The following SGK3 variants were observed in gnomAD, a reference collection of about 807,000 sequenced individuals.
SGK3 encodes serum/glucocorticoid regulated kinase family member 3.
SGK3 carries 47 observed loss-of-function variants against 68.5 expected under a neutral mutation model. The ratio of observed to expected loss-of-function variants is 0.69; its 90% CI spans 0.54 to 0.87. The LOEUF is 0.87. SGK3 is among the 40% of genes least tolerant of loss of function. The pLI is 0.00. For synonymous variants in SGK3, 181 were observed against 189.1 expected (o/e 0.96, Z 0.35); for missense variants, 479 against 575.5 (o/e 0.83, Z 1.72).
intron 1 of SGK3, among the ~76,000 whole-genome samples, chr8:66,786,583 G>A (rs567622516): frequency 1.8e-4 from 27 of 152,184 alleles, no homozygotes; most frequent in African/African-American, 4.6e-4. Flanking sequence ...ACAAATTTGC[G>A]TTTGAATTCT....
chr8:66,787,322 A>G (rs760638887), intron 1 of SGK3, among the ~76,000 whole-genome samples: 3 of 152,156 alleles, frequency 2.0e-5, no homozygotes, highest in Non-Finnish European at 2.9e-5. Context: ...AATAAATTCA[A>G]AACAAATTGT....
At chr8:66,828,041 G>A (rs1441949117) in intron 6 of SGK3, among the ~76,000 whole-genome samples, 3 of 151,902 alleles carry the variant, frequency 2.0e-5, no homozygotes, top group East Asian at 1.9e-4. Context: ...GGAGAATGAC[G>A]TGAAGCGGGG....
chr8:66,771,695 G>A (rs1009845127), intron 1 of SGK3, among the ~76,000 whole-genome samples: 8 of 152,142 alleles, frequency 5.3e-5, no homozygotes, highest in African/African-American at 1.9e-4. Context: ...AAAAAGAAAA[G>A]ACCAGTATTT....
intron 1 of SGK3, among the ~76,000 whole-genome samples, chr8:66,715,472 A>G (rs973110655): frequency 7.9e-5 from 12 of 151,998 alleles, no homozygotes; most frequent in African/African-American, 2.7e-4. Flanking sequence ...TGGCCAGGCT[A>G]TTATCAAACC....
chr8:66,846,695 T>C (rs747278309), intron 14 of SGK3, among the ~76,000 whole-genome samples: 33 of 152,238 alleles, frequency 2.2e-4, no homozygotes, highest in Non-Finnish European at 4.3e-4. Context: ...GTCTTTTGGC[T>C]GTTGCGGTGG....
chr8:66,849,784 G>T (rs1810189068), intron 15 of SGK3, among the ~76,000 whole-genome samples: 1 of 151,898 alleles, frequency 6.6e-6, no homozygotes, highest in Non-Finnish European at 1.5e-5. Flanking sequence ...TCATCATATT[G>T]CCCAGGTTGG....
At chr8:66,790,999 GGA>G (rs901592147) in intron 1 of SGK3, among the ~76,000 whole-genome samples, 18 of 152,164 alleles carry the variant, frequency 1.2e-4, no homozygotes, top group Non-Finnish European at 2.4e-4. Flanking sequence ...GTAGTTGAAG[GGA>G]GTTTAACAAA....
At chr8:66,757,129 ATTTTTT>A (rs796848968) in intron 1 of SGK3, among the ~76,000 whole-genome samples, 1 of 107,058 alleles carries the variant, frequency 9.3e-6, no homozygotes, top group Admixed American at 9.9e-5. Context: ...CTCAGGCCCT[ATTTTTT>A]TTTTTTTTTT....
chr8:66,726,192 G>A (rs925811066), intron 1 of SGK3, among the ~76,000 whole-genome samples: 12 of 152,064 alleles, frequency 7.9e-5, no homozygotes, highest in Non-Finnish European at 1.5e-4. Flanking sequence ...AGTTTCTTCC[G>A]TATGCTGGGT....
rs34499404 is a variant in SGK3 at position 66,756,569 on chromosome 8, C to CTTTTTT, written c.-121-37024_-121-37019dup. ...ATCTTGAAATTGAGGCATGCATCTA[C>CTTTTTT]TTTTTTTTTTTTTTTTTTTTTTTTT... is the stretch of plus-strand genomic sequence containing the variant. On this transcript the variant is annotated intron_variant, in intron 1 of 16. Transcript: ENST00000521198. Among the ~76,000 whole-genome samples, 3 of 77,930 alleles carry CTTTTTT rather than the reference C, an allele frequency of 3.8e-5. 1 individual carries two copies. The highest frequency in any genetic ancestry group is 3.1e-4 in the East Asian group (1 of 3,188). 51.1% of individuals were successfully genotyped at this position (77,930 alleles called of 152,430 possible).
At chr8:66,732,381 G>A (rs1450020935) in intron 1 of SGK3, among the ~76,000 whole-genome samples, 2 of 151,858 alleles carry the variant, frequency 1.3e-5, no homozygotes, top group Admixed American at 1.3e-4. Context: ...TCAGCTACTT[G>A]GGAGGCTGAA....
At chr8:66,816,206 GT>G (rs1318069606) in intron 5 of SGK3, among the ~76,000 whole-genome samples, 2 of 151,902 alleles carry the variant, frequency 1.3e-5, no homozygotes, top group Non-Finnish European at 1.5e-5. Flanking sequence ...GTTTCACCAT[GT>G]TAGCCAGGAT....
intron 5 of SGK3, among the ~76,000 whole-genome samples, chr8:66,815,015 C>T (rs191320860): frequency 6.6e-6 from 1 of 152,272 alleles, no homozygotes; most frequent in Admixed American, 6.5e-5. Flanking sequence ...TAAAGGTTGC[C>T]TATGGGCAAT....
At chr8:66,830,849 C>T (rs1267023478) in intron 7 of SGK3, among the ~76,000 whole-genome samples, 1 of 152,112 alleles carries the variant, frequency 6.6e-6, no homozygotes, top group Non-Finnish European at 1.5e-5. Context: ...TTATATAGTC[C>T]TTAGAATGTA....
At chr8:66,736,779 C>G in intron 1 of SGK3, among the ~76,000 whole-genome samples, 1 of 152,004 alleles carries the variant, frequency 6.6e-6, no homozygotes, top group East Asian at 1.9e-4. Context: ...GCCACCATGC[C>G]CAGCTAATTT....
chr8:66,801,670 TCA>T (rs746046734), intron 3 of SGK3, among the ~76,000 whole-genome samples: 3 of 150,490 alleles, frequency 2.0e-5, no homozygotes, highest in Admixed American at 1.3e-4. Flanking sequence ...TCTCTCTCTC[TCA>T]CACACACACA....
At chr8:66,790,882 A>T (rs1490568409) in intron 1 of SGK3, 1 of 152,130 alleles carries the variant, frequency 6.6e-6, no homozygotes, top group Non-Finnish European at 1.5e-5. Context: ...CCTCCACAGG[A>T]AGGTTTTCAG....
At chr8:66,790,488 C>T (rs1312677394) in intron 1 of SGK3, among the ~76,000 whole-genome samples, 1 of 152,308 alleles carries the variant, frequency 6.6e-6, no homozygotes, top group East Asian at 1.9e-4. Context: ...GGATTCAAGT[C>T]ATTGTCCTTT....
chr8:66,792,329 CAAAAAA>C (rs1215954300), intron 1 of SGK3, among the ~76,000 whole-genome samples: 1 of 53,552 alleles, frequency 1.9e-5, no homozygotes, highest in Non-Finnish European at 4.1e-5. Flanking sequence ...AACTCCATCT[CAAAAAA>C]AAAAAAAAAA....
Sources: gnomAD v4.1 joint callset for allele counts (sites outside exome capture counted in the v4.1 genomes callset) on GRCh38, gnomAD v4.1.1 for gene constraint, MANE v1.5 for transcripts, NCBI Gene and HGNC (gene_info 2026-07-23, HGNC 2026-07-21) for gene names.